TBC1D5: variants seen among roughly 807,000 people sequenced by gnomAD.
The protein encoded by TBC1D5 is TBC1 domain family, member 5.
In TBC1D5, 75 loss-of-function variants were observed where a neutral mutation model predicts 100.3. That is an observed-to-expected ratio of 0.75 (90% CI 0.62 to 0.91). The LOEUF (loss-of-function observed/expected upper bound fraction) is 0.91, where lower values mean the gene tolerates loss of function less well. Among genes scored for constraint, TBC1D5 ranks in the 40% least tolerant of loss-of-function variants. The probability of loss-of-function intolerance (pLI) is 0.00; values close to 1 mark genes in which losing one functional copy is unlikely to be tolerated. For synonymous variants in TBC1D5, 323 were observed against 325.6 expected, an observed-to-expected ratio of 0.99 and a Z score of 0.09; for missense variants, 910 against 942.4, an observed-to-expected ratio of 0.97 and a Z score of 0.45.
chr3:17,675,871 T>C (rs546603148), intron 1 of TBC1D5, among the ~76,000 whole-genome samples: 3 of 152,322 alleles, frequency 2.0e-5, no homozygotes, highest in South Asian at 2.1e-4. Flanking sequence ...TGAAATGATA[T>C]GCTAATGGAA....
At chr3:17,290,196 AT>A (rs2081585438) in intron 15 of TBC1D5, among the ~76,000 whole-genome samples, 1 of 151,984 alleles carries the variant, frequency 6.6e-6, no homozygotes, top group Admixed American at 6.6e-5. Flanking sequence ...ATACACTATT[AT>A]TTTTTTCTCT....
chr3:17,177,074 G>A lies in TBC1D5; in HGVS notation c.1852+8035C>T, dbSNP rs147378365. ...AATGCTAATACACTTTGAAGTCAGA[G>A]TAAGTTTACCAAAGATGATGGACTT... On this transcript the variant is annotated intron_variant, in intron 19 of 21. Transcript: ENST00000253692. Among the ~76,000 whole-genome samples, 660 of 152,216 alleles carry A rather than the reference G, an allele frequency of 4.3e-3. 2 individuals are homozygous for A. Among genetic ancestry groups the A allele is most frequent in the Middle Eastern group, 0.01 (3 of 294 alleles).
At chr3:17,195,980 T>A (rs1418340479) in intron 18 of TBC1D5, among the ~76,000 whole-genome samples, 1 of 152,160 alleles carries the variant, frequency 6.6e-6, no homozygotes, top group African/African-American at 2.4e-5. Flanking sequence ...GAAGCAACTT[T>A]TCAGGCTCTA....
chr3:17,480,790 G>C (rs938305338), intron 3 of TBC1D5, among the ~76,000 whole-genome samples: 4 of 152,270 alleles, frequency 2.6e-5, no homozygotes, highest in African/African-American at 9.6e-5. Context: ...CTACGGAAAG[G>C]AGCTACCCAC....
At chr3:17,740,360 G>T (rs547266624) in exon 1 of TBC1D5, 1 of 151,164 alleles carries the variant, frequency 6.6e-6, no homozygotes, top group East Asian at 1.9e-4. Context: ...GTCAAGTTCC[G>T]TAAAGCACTT....
chr3:17,358,260 C>T (rs2091402059), intron 13 of TBC1D5, among the ~76,000 whole-genome samples: 1 of 152,162 alleles, frequency 6.6e-6, no homozygotes, highest in African/African-American at 2.4e-5. Flanking sequence ...TCTCGGCTCA[C>T]CACAACCTCT....
chr3:17,173,871 CAGAG>C (rs946621902), intron 19 of TBC1D5, among the ~76,000 whole-genome samples: 1 of 152,116 alleles, frequency 6.6e-6, no homozygotes, highest in Non-Finnish European at 1.5e-5. Context: ...GGCCATTAGT[CAGAG>C]AGAGGGGCAG....
At chr3:17,330,244 A>G (rs2086704099) in intron 13 of TBC1D5, among the ~76,000 whole-genome samples, 2 of 152,104 alleles carry the variant, frequency 1.3e-5, no homozygotes, top group Admixed American at 6.6e-5. Context: ...CCCTTTCCCT[A>G]CAATCCAGCT....
intron 4 of TBC1D5, 41 bp downstream of exon 4, chr3:17,428,409 G>GTA (rs761867627): frequency 0.038 from 14,387 of 382,094 alleles, 513 homozygotes; most frequent in East Asian, 0.16. Flanking sequence ...GTGTGTGTGT[G>GTA]TGTATATATA....
intron 13 of TBC1D5, among the ~76,000 whole-genome samples, chr3:17,345,115 C>G (rs1250717477): frequency 3.9e-5 from 6 of 151,998 alleles, no homozygotes; most frequent in Non-Finnish European, 5.9e-5. Context: ...AAGAAACTAC[C>G]ATCAGAGTGA....
intron 1 of TBC1D5, among the ~76,000 whole-genome samples, chr3:17,723,144 A>G (rs937969518): frequency 6.6e-6 from 1 of 152,226 alleles, no homozygotes; most frequent in Non-Finnish European, 1.5e-5. Context: ...GACAATAATA[A>G]TAATGGTACA....
chr3:17,196,421 G>A (rs932212064), intron 18 of TBC1D5, among the ~76,000 whole-genome samples: 1 of 152,178 alleles, frequency 6.6e-6, no homozygotes, highest in Non-Finnish European at 1.5e-5. Flanking sequence ...CAACACAGAA[G>A]TATGAGAAAG....
intron 2 of TBC1D5, among the ~76,000 whole-genome samples, chr3:17,544,648 C>A (rs1366242553): frequency 1.1e-4 from 13 of 117,830 alleles, no homozygotes; most frequent in East Asian, 4.7e-4. Flanking sequence ...GAGACTCCGT[C>A]TGAAAAAAAA....
intron 13 of TBC1D5, among the ~76,000 whole-genome samples, chr3:17,355,909 T>A (rs558802479): frequency 4.6e-5 from 7 of 152,318 alleles, no homozygotes; most frequent in African/African-American, 1.4e-4. Flanking sequence ...GTGGCTCCTA[T>A]TCTAGTAATG....
chr3:17,316,008 G>A (rs944326118), intron 13 of TBC1D5, among the ~76,000 whole-genome samples: 29 of 152,146 alleles, frequency 1.9e-4, no homozygotes, highest in Non-Finnish European at 2.9e-5. Context: ...CAAAAATAGG[G>A]AAGTTAGCAG....
intron 2 of TBC1D5, among the ~76,000 whole-genome samples, chr3:17,537,924 C>T (rs147939061): frequency 1.8e-4 from 28 of 152,308 alleles, no homozygotes; most frequent in African/African-American, 6.3e-4. Flanking sequence ...TCAGGAGGTC[C>T]TGACGACATG....
Position 17,664,218 on chromosome 3 carries a change from C to A in TBC1D5, c.-100-40305G>T, listed in dbSNP as rs546347985. On this transcript the variant is annotated intron_variant, in intron 1 of 21. Transcript: ENST00000253692. The stretch of plus-strand genomic sequence containing the variant: ...CTCAGTAGCTGGGATTACAGGCACA[C>A]ACCACCAGGCCCAGCTAATCTTTTT... Among the ~76,000 whole-genome samples the A allele has an allele frequency of 8.5e-5, 13 of 152,188 alleles. No homozygotes were observed. The South Asian group carries it at 2.1e-3, about 24-fold the overall frequency.
chr3:17,192,877 T>A (rs115750978), intron 18 of TBC1D5, among the ~76,000 whole-genome samples: 325 of 152,376 alleles, frequency 2.1e-3, no homozygotes, highest in African/African-American at 7.6e-3. Context: ...CAGGGAACAC[T>A]GGATTTGTCC....
intron 1 of TBC1D5, among the ~76,000 whole-genome samples, chr3:17,724,119 A>T (rs903588663): frequency 1.1e-4 from 13 of 122,578 alleles, no homozygotes; most frequent in African/African-American, 3.2e-4. Context: ...ACTCTGTGTT[A>T]TCCAGGCTGG....
Sources: gnomAD v4.1 joint callset for allele counts (sites outside exome capture counted in the v4.1 genomes callset) on GRCh38, gnomAD v4.1.1 for gene constraint, MANE v1.5 for transcripts, NCBI Gene and HGNC (gene_info 2026-07-23, HGNC 2026-07-21) for gene names.